The following CPAMD8 variants were observed in gnomAD, a reference collection of about 807,000 sequenced individuals.
The protein encoded by CPAMD8 is C3 and PZP-like alpha-2-macroglobulin domain-containing protein 8.
A neutral mutation model predicts 224.7 loss-of-function variants in CPAMD8; 146 were observed. The ratio of observed to expected loss-of-function variants is 0.65; its 90% CI spans 0.57 to 0.75. The LOEUF (loss-of-function observed/expected upper bound fraction) is 0.75, where lower values mean the gene tolerates loss of function less well. CPAMD8 is among the 30% of genes least tolerant of loss of function. The pLI is 0.00. For synonymous variants in CPAMD8, 966 were observed against 1,044.6 expected (o/e 0.92, Z 1.45); for missense variants, 2,301 against 2,537.5 (o/e 0.91, Z 2.00).
At chr19:16,901,034 A>C (rs1166715446) in intron 36 of CPAMD8, among the ~76,000 whole-genome samples, 176 bp downstream of exon 36, 2 of 143,512 alleles carry the variant, frequency 1.4e-5, no homozygotes, top group African/African-American at 5.1e-5. Flanking sequence ...AAGAAAGAGA[A>C]ACAGGGTAAA....
intron 17 of CPAMD8, among the ~76,000 whole-genome samples, chr19:16,971,909 T>C (rs1057277265): frequency 6.6e-6 from 1 of 152,042 alleles, no homozygotes; most frequent in Non-Finnish European, 1.5e-5. Context: ...TAGCCAGGCA[T>C]GGTGGTGGGC....
chr19:17,000,152 C>T (rs554350524), intron 10 of CPAMD8: 7 of 357,344 alleles, frequency 2.0e-5, no homozygotes, highest in Admixed American at 4.6e-5. Context: ...AAAATCCCTG[C>T]CATATAACTG....
intron 22 of CPAMD8, among the ~76,000 whole-genome samples, chr19:16,941,235 A>G (rs1232568235): frequency 1.3e-5 from 2 of 152,152 alleles, no homozygotes; most frequent in Admixed American, 6.5e-5. Flanking sequence ...GCCTGGCCTC[A>G]TGGTAGCTTT....
At chr19:17,020,969 C>T (rs1034856077) in intron 2 of CPAMD8, among the ~76,000 whole-genome samples, 2 of 152,200 alleles carry the variant, frequency 1.3e-5, no homozygotes, top group African/African-American at 4.8e-5. Flanking sequence ...GGACTCTGAG[C>T]CAATCTGCAT....
chr19:16,999,356 G>A (rs79390720), intron 10 of CPAMD8, among the ~76,000 whole-genome samples: 1,968 of 152,002 alleles, frequency 0.013, 35 homozygotes, highest in East Asian at 0.1. Context: ...CGAGGCAGGT[G>A]GATCACGACG....
chr19:17,017,938 C>T (rs1568608773), intron 3 of CPAMD8, among the ~76,000 whole-genome samples: 1 of 151,352 alleles, frequency 6.6e-6, no homozygotes, highest in African/African-American at 2.4e-5. Flanking sequence ...GAGGCTGAGG[C>T]AGGAGAATCA....
At chr19:16,930,378 AATT>A (rs1194570560) in intron 23 of CPAMD8, among the ~76,000 whole-genome samples, 1 of 152,158 alleles carries the variant, frequency 6.6e-6, no homozygotes, top group South Asian at 2.1e-4. Context: ...TAAATGCACC[AATT>A]ATTATGTGGG....
chr19:16,959,702 G>A (rs554673260), intron 18 of CPAMD8, among the ~76,000 whole-genome samples: 11 of 151,858 alleles, frequency 7.2e-5, no homozygotes, highest in Middle Eastern at 3.4e-3. Context: ...CACCATGTCC[G>A]GCTAATTTTT....
chr19:17,008,667 C>T, intron 6 of CPAMD8, 108 bp from the exon 7 acceptor site: 2 of 1,206,432 alleles, frequency 1.7e-6, no homozygotes, highest in Non-Finnish European at 2.5e-6. Context: ...GTCAACCATG[C>T]AGCGAAGGTC....
intron 26 of CPAMD8, among the ~76,000 whole-genome samples, chr19:16,923,192 T>C (rs1199229333): frequency 6.6e-6 from 1 of 152,188 alleles, no homozygotes; most frequent in East Asian, 1.9e-4. Flanking sequence ...GTGGTTTTCC[T>C]GCAAGGGCAT....
chr19:16,941,157 T>TC (rs775820168), intron 22 of CPAMD8, among the ~76,000 whole-genome samples: 1 of 152,192 alleles, frequency 6.6e-6, no homozygotes, highest in Non-Finnish European at 1.5e-5. Context: ...GGTCTCGAAC[T>TC]CCTGGCCTCA....
At chr19:16,978,822 A>G (rs2122737587) in intron 14 of CPAMD8, among the ~76,000 whole-genome samples, 1 of 151,024 alleles carries the variant, frequency 6.6e-6, no homozygotes, top group African/African-American at 2.4e-5. Flanking sequence ...CCATCTACCC[A>G]TCCATCCACT....
At chr19:16,962,417 C>T (rs1257623157) in intron 18 of CPAMD8, among the ~76,000 whole-genome samples, 2 of 151,918 alleles carry the variant, frequency 1.3e-5, no homozygotes, top group Non-Finnish European at 2.9e-5. Flanking sequence ...ATAGCCGATT[C>T]GATCAAGTGG....
intron 20 of CPAMD8, among the ~76,000 whole-genome samples, chr19:16,951,463 A>G (rs1329243133): frequency 5.9e-5 from 9 of 152,196 alleles, no homozygotes; most frequent in Admixed American, 5.2e-4. Context: ...GAACACAGCC[A>G]TATCTATTCA....
At chr19:16,941,635 C>T (rs1261550288) in intron 22 of CPAMD8, among the ~76,000 whole-genome samples, 2 of 152,130 alleles carry the variant, frequency 1.3e-5, no homozygotes, top group African/African-American at 2.4e-5. Flanking sequence ...TTCCCCCTTG[C>T]TGTTCTCGTG....
intron 25 of CPAMD8, among the ~76,000 whole-genome samples, chr19:16,927,517 G>C (rs2053406247): frequency 6.6e-6 from 1 of 151,886 alleles, no homozygotes; most frequent in Non-Finnish European, 1.5e-5. Context: ...ACCCCCTAAG[G>C]CTGCTTCCAA....
chr19:16,901,898 G>C (rs951028480), intron 35 of CPAMD8, among the ~76,000 whole-genome samples: 1 of 152,146 alleles, frequency 6.6e-6, no homozygotes, highest in African/African-American at 2.4e-5. Flanking sequence ...CTGAGATGGG[G>C]AACTTGGACA....
chr19:16,993,307 G>T, intron 12 of CPAMD8, 109 bp downstream of exon 12: 1 of 823,316 alleles, frequency 1.2e-6, no homozygotes, highest in Non-Finnish European at 1.9e-6. Context: ...ACTCCTGCAG[G>T]GCTGGGACGG....
intron 29 of CPAMD8, among the ~76,000 whole-genome samples, chr19:16,911,867 C>T (rs2052742077): frequency 6.6e-6 from 1 of 152,088 alleles, no homozygotes; most frequent in Non-Finnish European, 1.5e-5. Flanking sequence ...TTAGTAGAGA[C>T]AGGGTTTCAT....
Sources: gnomAD v4.1 joint callset for allele counts (sites outside exome capture counted in the v4.1 genomes callset) on GRCh38, gnomAD v4.1.1 for gene constraint, MANE v1.5 for transcripts, NCBI Gene and HGNC (gene_info 2026-07-23, HGNC 2026-07-21) for gene names.